The following RASAL2 variants were observed in gnomAD, a reference collection of about 807,000 sequenced individuals.
The protein encoded by RASAL2 is ras GTPase-activating protein nGAP.
RASAL2 carries 58 observed loss-of-function variants against 128.9 expected under a neutral mutation model. The observed-to-expected ratio is 0.45, with a 90% CI of 0.36 to 0.56. RASAL2 has a LOEUF of 0.56. RASAL2 is among the 20% of genes least tolerant of loss of function. The probability of loss-of-function intolerance (pLI) is 0.00; values close to 1 mark genes in which losing one functional copy is unlikely to be tolerated. For missense variants in RASAL2, 1,360 were observed against 1,601.6 expected (o/e 0.85, Z 2.57); for synonymous variants, 561 against 580.8 (o/e 0.97, Z 0.49).
intron 3 of RASAL2, among the ~76,000 whole-genome samples, chr1:178,367,340 C>G (rs1671457518): frequency 6.6e-6 from 1 of 152,142 alleles, no homozygotes; most frequent in African/African-American, 2.4e-5. Context: ...GTCAACCTCT[C>G]AGCAAGGCTT....
chr1:178,448,244 T>C (rs1350890770), intron 9 of RASAL2, among the ~76,000 whole-genome samples: 4 of 151,994 alleles, frequency 2.6e-5, no homozygotes, highest in African/African-American at 9.7e-5. Context: ...TAGATACCAA[T>C]AGAGAAGAGA....
intron 2 of RASAL2, among the ~76,000 whole-genome samples, chr1:178,297,142 GTAAAA>G (rs1667553863): frequency 6.6e-6 from 1 of 152,062 alleles, no homozygotes; most frequent in Non-Finnish European, 1.5e-5. Flanking sequence ...ATATGAACTA[GTAAAA>G]TAAATTACGA....
At chr1:178,210,825 G>T (rs539791071) in intron 1 of RASAL2, among the ~76,000 whole-genome samples, 6 of 152,252 alleles carry the variant, frequency 3.9e-5, no homozygotes, top group Non-Finnish European at 7.4e-5. Flanking sequence ...ATTTTTGTTT[G>T]CTCTGTCCAA....
At chr1:178,387,488 A>G (rs1672647128) in intron 3 of RASAL2, among the ~76,000 whole-genome samples, 1 of 152,074 alleles carries the variant, frequency 6.6e-6, no homozygotes, top group Non-Finnish European at 1.5e-5. Context: ...TTCATCATTT[A>G]GCATTAGGTA....
chr1:178,476,641 T>C lies in RASAL2; in HGVS notation c.*3402T>C, dbSNP rs1572149381. The C allele has an allele frequency of 2.0e-5, 3 of 152,182 alleles. No individual in the cohort carries two copies. The highest frequency in any genetic ancestry group is 4.8e-5 in the African/African-American group (2 of 41,432). 9.4% of individuals were successfully genotyped at this position (152,182 alleles called of 1,614,324 possible). A position where few individuals can be genotyped will look rare whatever the true frequency, so the allele number is the denominator to read the frequency against. Reference sequence around the variant, plus strand: ...GTGTTTCTCTGTGATGGTGTTAAGATTATGAAAGAAAAAGAAGATTACCTA... The same window carrying C: ...GTGTTTCTCTGTGATGGTGTTAAGACTATGAAAGAAAAAGAAGATTACCTA... On this transcript the variant is annotated 3_prime_UTR_variant, in exon 18 of 18. Transcript: ENST00000367649.
chr1:178,205,362 C>A (rs1188008235), intron 1 of RASAL2, among the ~76,000 whole-genome samples: 1 of 152,094 alleles, frequency 6.6e-6, no homozygotes, highest in African/African-American at 2.4e-5. Context: ...TATACCAGAT[C>A]TTAGAGAAAT....
intron 1 of RASAL2, among the ~76,000 whole-genome samples, chr1:178,129,791 C>G (rs1475510079): frequency 6.6e-6 from 1 of 151,968 alleles, no homozygotes; most frequent in Admixed American, 6.6e-5. Context: ...ATTTTTTAGC[C>G]TGTGGATATC....
intron 1 of RASAL2, among the ~76,000 whole-genome samples, chr1:178,101,081 T>C (rs945064068): frequency 2.0e-5 from 3 of 152,144 alleles, no homozygotes; most frequent in South Asian, 4.1e-4. Flanking sequence ...GCAAATTTCA[T>C]GTAGTTTATT....
At chr1:178,442,624 T>C (rs548024995) in intron 7 of RASAL2, 51 bp from the exon 8 acceptor site, 1 of 1,500,676 alleles carries the variant, frequency 6.7e-7, no homozygotes, top group African/African-American at 1.4e-5. Flanking sequence ...AAAAAATGTT[T>C]TTTTTTCTGC....
chr1:178,214,739 T>C (rs1663369124), intron 1 of RASAL2, among the ~76,000 whole-genome samples: 1 of 152,072 alleles, frequency 6.6e-6, no homozygotes, highest in Admixed American at 6.6e-5. Flanking sequence ...TTTGTATTTT[T>C]AGTAGAGACG....
At chr1:178,152,255 T>A (rs1229624240) in intron 1 of RASAL2, among the ~76,000 whole-genome samples, 1 of 152,066 alleles carries the variant, frequency 6.6e-6, no homozygotes, top group Non-Finnish European at 1.5e-5. Context: ...CACGTGGAGG[T>A]ACTGGGAGGG....
chr1:178,418,532 C>G (rs1344913353), intron 4 of RASAL2, among the ~76,000 whole-genome samples: 1 of 152,098 alleles, frequency 6.6e-6, no homozygotes, highest in Non-Finnish European at 1.5e-5. Flanking sequence ...ACACTTAACT[C>G]CTTGGATGGC....
chr1:178,288,873 A>G (rs1020518780), intron 2 of RASAL2, among the ~76,000 whole-genome samples: 6 of 150,428 alleles, frequency 4.0e-5, no homozygotes, highest in Non-Finnish European at 8.9e-5. Context: ...CTGGACTCGA[A>G]CTCCTCACCT....
At chr1:178,348,316 C>A (rs186073020) in intron 3 of RASAL2, among the ~76,000 whole-genome samples, 19 of 152,188 alleles carry the variant, frequency 1.2e-4, no homozygotes, top group African/African-American at 3.6e-4. Flanking sequence ...GAGACAAGGT[C>A]TTTCTCTGTC....
chr1:178,110,571 C>CAT (rs567866480), intron 1 of RASAL2, among the ~76,000 whole-genome samples: 315 of 142,856 alleles, frequency 2.2e-3, no homozygotes, highest in Non-Finnish European at 3.9e-3. Flanking sequence ...GTATATATAG[C>CAT]ATATGTAGTA....
chr1:178,260,426 T>C (rs1426895907), intron 1 of RASAL2, among the ~76,000 whole-genome samples: 1 of 114,918 alleles, frequency 8.7e-6, no homozygotes, highest in Non-Finnish European at 1.8e-5. Flanking sequence ...GATAATAATT[T>C]TAGCAAACTG....
chr1:178,094,681 G>T lies in RASAL2; in HGVS notation c.189G>T (p.Trp63Cys). The T allele has an allele frequency of 6.2e-7, 1 of 1,614,096 alleles. No individual in the cohort carries two copies. The highest frequency in any genetic ancestry group is 8.5e-7 in the Non-Finnish European group (1 of 1,180,036). ...LLESVCQQQS[W>C]VRVYDVKGPP... ...AGTCCGTGTGCCAGCAACAGAGCTGGGTCCGGGTGTACGGTAAGGACCACA... is the reference window on the plus strand; with the variant it reads ...AGTCCGTGTGCCAGCAACAGAGCTGTGTCCGGGTGTACGGTAAGGACCACA... Residue 63 changes from tryptophan (W) to cysteine (C), a missense_variant, in exon 1 of 18, where the codon TGG becomes TGT. By Grantham distance (215) the Trp-to-Cys change is radical. Around this residue, in one of 3 missense-constraint regions of RASAL2, gnomAD observed 617 missense variants for 714.2 expected, o/e 0.86. Coordinates refer to ENST00000367649, the MANE Select transcript of RASAL2 (RefSeq NM_170692.4).
At chr1:178,434,679 G>A (rs1676141174) in intron 5 of RASAL2, among the ~76,000 whole-genome samples, 1 of 151,926 alleles carries the variant, frequency 6.6e-6, no homozygotes, top group African/African-American at 2.4e-5. Flanking sequence ...CAGCTCAGCT[G>A]GTGCTGTCAG....
At chr1:178,225,688 T>C (rs1196035366) in intron 1 of RASAL2, among the ~76,000 whole-genome samples, 1 of 150,470 alleles carries the variant, frequency 6.6e-6, no homozygotes, top group Non-Finnish European at 1.5e-5. Context: ...TGTATATATA[T>C]GTACTATGAT....
Sources: allele counts gnomAD v4.1 joint callset (sites outside exome capture counted in the v4.1 genomes callset), GRCh38; gene constraint gnomAD v4.1.1; regional missense constraint gnomAD v4.1.1; transcripts MANE v1.5; gene names NCBI Gene and HGNC (gene_info 2026-07-23, HGNC 2026-07-21).